The following LIPA variants were observed in gnomAD, a reference collection of about 807,000 sequenced individuals.
LIPA encodes lysosomal acid lipase/cholesteryl ester hydrolase.
A neutral mutation model predicts 40.6 loss-of-function variants in LIPA; 26 were observed. That is an observed-to-expected ratio of 0.64 (90% CI 0.47 to 0.89). LIPA has a LOEUF of 0.89. Ranked by LOEUF, LIPA falls within the 40% of genes least tolerant of loss-of-function variation. The probability of loss-of-function intolerance (pLI) is 0.00; values close to 1 mark genes in which losing one functional copy is unlikely to be tolerated. For missense variants in LIPA, 455 were observed against 479.6 expected (o/e 0.95, Z 0.48); for synonymous variants, 188 against 168.4 (o/e 1.12, Z -0.90).
At chr10:89,216,207 A>G (rs1315058985) in intron 8 of LIPA, among the ~76,000 whole-genome samples, 198 bp from the exon 9 acceptor site, 1 of 152,004 alleles carries the variant, frequency 6.6e-6, no homozygotes, top group Admixed American at 6.6e-5. Flanking sequence ...TTCTCATTGT[A>G]TGATTGTTAA....
chr10:89,336,198 G>T (rs1245340427), intron 1 of LIPA, among the ~76,000 whole-genome samples: 1 of 150,886 alleles, frequency 6.6e-6, no homozygotes, highest in African/African-American at 2.4e-5. Context: ...AGGGAGGAAA[G>T]AAGGAAAATA....
At chr10:89,216,344 T>C (rs1211556163) in intron 8 of LIPA, among the ~76,000 whole-genome samples, 1 of 151,586 alleles carries the variant, frequency 6.6e-6, no homozygotes, top group Admixed American at 6.6e-5. Context: ...CCTAAGCTTT[T>C]TCAAAGAGTT....
chr10:89,237,177 G>C (rs1230223089), intron 3 of LIPA, among the ~76,000 whole-genome samples: 1 of 152,198 alleles, frequency 6.6e-6, no homozygotes, highest in Non-Finnish European at 1.5e-5. Context: ...CTACTTAGAA[G>C]GCTGAGGTGA....
chr10:89,362,500 A>T (rs1051899215), intron 2 of LIPA: 1 of 221,922 alleles, frequency 4.5e-6, no homozygotes, highest in Non-Finnish European at 9.1e-6. Context: ...ATGAGAAAGC[A>T]CTAGAGAAAG....
chr10:89,324,771 T>C (rs1193599822), intron 1 of LIPA, among the ~76,000 whole-genome samples: 5 of 152,170 alleles, frequency 3.3e-5, no homozygotes, highest in Non-Finnish European at 1.5e-5. Flanking sequence ...TGAAAAAATA[T>C]GTGGTGTTTG....
chr10:89,345,646 A>G (rs1843914801), upstream of LIPA, among the ~76,000 whole-genome samples: 1 of 152,120 alleles, frequency 6.6e-6, no homozygotes, highest in African/African-American at 2.4e-5. Flanking sequence ...TAAAAACTAA[A>G]ATAATAGAAA....
intron 2 of LIPA, among the ~76,000 whole-genome samples, chr10:89,364,964 G>A (rs1252889081): frequency 6.6e-6 from 1 of 152,122 alleles, no homozygotes; most frequent in Non-Finnish European, 1.5e-5. Flanking sequence ...GGCAGAAGAA[G>A]CCATAACATC....
At chr10:89,408,342 A>G (rs1401611199) in intron 2 of LIPA, among the ~76,000 whole-genome samples, 3 of 152,202 alleles carry the variant, frequency 2.0e-5, no homozygotes, top group African/African-American at 7.2e-5. Flanking sequence ...GAAATACCTT[A>G]TGTCCAAGCT....
intron 2 of LIPA, among the ~76,000 whole-genome samples, chr10:89,359,556 T>G (rs1844008052): frequency 6.6e-6 from 1 of 152,176 alleles, no homozygotes; most frequent in African/African-American, 2.4e-5. Context: ...TGCTCAGGTG[T>G]GTCCAGAGCC....
chr10:89,316,291 AG>A (rs1843541139), intron 1 of LIPA, among the ~76,000 whole-genome samples: 1 of 152,250 alleles, frequency 6.6e-6, no homozygotes, highest in South Asian at 2.1e-4. Context: ...GGGAAGTGCA[AG>A]GAGTCAGGGA....
intron 2 of LIPA, chr10:89,402,786 G>A (rs747407854): frequency 1.2e-6 from 2 of 1,614,208 alleles, no homozygotes; most frequent in Middle Eastern, 1.7e-4. Context: ...GCTTGAAGTG[G>A]ACCCTGAAAA....
At chr10:89,284,498 A>G (rs1843331620) in intron 1 of LIPA, 1 of 152,160 alleles carries the variant, frequency 6.6e-6, no homozygotes, top group South Asian at 2.1e-4. Context: ...CTCCCTTTGC[A>G]TTTTGCTCTT....
At chr10:89,239,736 T>C (rs1318942146) in intron 3 of LIPA, among the ~76,000 whole-genome samples, 31 of 152,196 alleles carry the variant, frequency 2.0e-4, no homozygotes, top group Non-Finnish European at 7.3e-5. Context: ...TTATCATAAT[T>C]AGAGTTTTCC....
chr10:89,258,554 TTGA>T (rs1050725851), intron 1 of LIPA, among the ~76,000 whole-genome samples: 1 of 152,128 alleles, frequency 6.6e-6, no homozygotes, highest in African/African-American at 2.4e-5. Context: ...ATAACAAGTG[TTGA>T]TGAGGATGTG....
intron 1 of LIPA, among the ~76,000 whole-genome samples, chr10:89,335,736 A>G (rs970840460): frequency 1.3e-5 from 2 of 152,144 alleles, no homozygotes; most frequent in East Asian, 3.9e-4. Flanking sequence ...AAATCTGCAG[A>G]TACATTCTAT....
intron 1 of LIPA, among the ~76,000 whole-genome samples, chr10:89,303,060 TC>T (rs1438991953): frequency 6.6e-6 from 1 of 152,158 alleles, no homozygotes; most frequent in African/African-American, 2.4e-5. Flanking sequence ...TTTTTTGTAG[TC>T]ACCCAGAATC....
chr10:89,379,791 T>C (rs1236055081), intron 2 of LIPA, among the ~76,000 whole-genome samples: 2 of 152,148 alleles, frequency 1.3e-5, no homozygotes, highest in East Asian at 1.9e-4. Flanking sequence ...TCCCAGCACT[T>C]TGGGAGGCCG....
At chr10:89,226,029 G>A (rs1430035668) in intron 5 of LIPA, among the ~76,000 whole-genome samples, 3 of 152,172 alleles carry the variant, frequency 2.0e-5, no homozygotes, top group Non-Finnish European at 2.9e-5. Flanking sequence ...TCTCGGGTAT[G>A]TCTTTAGTAG....
chr10:89,243,333 C>T (rs561600366), intron 3 of LIPA, among the ~76,000 whole-genome samples: 1 of 152,302 alleles, frequency 6.6e-6, no homozygotes, highest in South Asian at 2.1e-4. Context: ...CTGAGTTGTT[C>T]ACTGTAGACT....
Sources: gnomAD v4.1 joint callset for allele counts (sites outside exome capture counted in the v4.1 genomes callset) on GRCh38, gnomAD v4.1.1 for gene constraint, MANE v1.5 for transcripts, NCBI Gene and HGNC (gene_info 2026-07-23, HGNC 2026-07-21) for gene names.